RABEP1: variants seen among roughly 807,000 people sequenced by gnomAD.
RABEP1 encodes rab GTPase-binding effector protein 1.
Under a neutral mutation model 123.4 loss-of-function variants are expected in RABEP1, and 51 were observed. That is an observed-to-expected ratio of 0.41 (90% CI 0.33 to 0.52). RABEP1 has a LOEUF of 0.52. Among genes scored for constraint, RABEP1 ranks in the 20% least tolerant of loss-of-function variants. The pLI, the probability that RABEP1 is intolerant of heterozygous loss-of-function variation, is 0.16. For synonymous variants in RABEP1, 347 were observed against 355.2 expected (o/e 0.98, Z 0.26); for missense variants, 888 against 996.3 (o/e 0.89, Z 1.46).
intron 11 of RABEP1, among the ~76,000 whole-genome samples, 163 bp downstream of exon 11, chr17:5,365,401 T>C (rs901080038): frequency 6.6e-6 from 1 of 152,216 alleles, no homozygotes; most frequent in African/African-American, 2.4e-5. Context: ...ATCTCTGTTT[T>C]ACAGATTTTT....
Position 5,365,253 on chromosome 17 carries a change from A to G in RABEP1, c.1785+15A>G, listed in dbSNP as rs774302868. ...CGAGTCACCAGGTAAGGGAGGGTTT[A>G]TAGACTGTGGCCCATGAGGGATGAC... is the stretch of plus-strand genomic sequence containing the variant. On this transcript the variant is annotated intron_variant, in intron 11 of 17. Transcript: ENST00000537505. 1 of 1,549,008 alleles carries G rather than the reference A, an allele frequency of 6.5e-7. No individual in the cohort carries two copies. Among genetic ancestry groups the G allele is most frequent in the East Asian group, 2.3e-5 (1 of 43,778 alleles).
At chr17:5,378,374 G>A (rs1911176862) in intron 15 of RABEP1, 142 bp downstream of exon 15, 4 of 769,814 alleles carry the variant, frequency 5.2e-6, no homozygotes, top group Non-Finnish European at 9.1e-6. Flanking sequence ...AGAAAACCAC[G>A]GGGTAAGGGT....
chr17:5,350,358 C>T lies in RABEP1; in HGVS notation c.785-93C>T, dbSNP rs1029036836. 3.5e-5 allele frequency: 47 copies of T among 1,361,064 alleles called. No individual in the cohort carries two copies. In the Admixed American group the frequency reaches 7.8e-4, roughly 23 times the overall value. 84.3% of individuals were successfully genotyped at this position (1,361,064 alleles called of 1,614,324 possible). A position where few individuals can be genotyped will look rare whatever the true frequency, so the allele number is the denominator to read the frequency against. Reference sequence around the variant, plus strand: ...TTGCACCACTGCACTCCAGCCTGGGCGACAGAGCGAGACTCCATCTCAAAA... The same window carrying T: ...TTGCACCACTGCACTCCAGCCTGGGTGACAGAGCGAGACTCCATCTCAAAA... On this transcript the variant is annotated intron_variant, in intron 6 of 17. Transcript: ENST00000537505.
rs140208432 is a variant in RABEP1, at chr17:5,377,331, G to GAAA, written c.2215+28_2215+29insAAA. 2.9e-3 allele frequency: 4,461 copies of GAAA among 1,537,524 alleles called. 102 individuals are homozygous for GAAA. In the African/African-American group the frequency reaches 0.051, roughly 17 times the overall value. On this transcript the variant is annotated intron_variant, in intron 14 of 17. Coordinates refer to ENST00000537505, the MANE Select transcript of RABEP1 (RefSeq NM_004703.6). The stretch of plus-strand genomic sequence containing the variant: ...GTGAAGATAAAAGTGATGTAGTTTA[G>GAAA]AATTAGAGTCACTAAATAAAACTTT...
intron 10 of RABEP1, among the ~76,000 whole-genome samples, chr17:5,363,277 A>AG (rs564804330): frequency 6.7e-6 from 1 of 149,562 alleles, no homozygotes; most frequent in East Asian, 2.0e-4. Context: ...GCTGGAGTGC[A>AG]GGGGGGATCT....
At chr17:5,294,137 G>C (rs994666099) in intron 1 of RABEP1, among the ~76,000 whole-genome samples, 1 of 152,138 alleles carries the variant, frequency 6.6e-6, no homozygotes, top group African/African-American at 2.4e-5. Flanking sequence ...ACCATCTGGG[G>C]ATTGAAAATA....
At chr17:5,299,725 C>CTTTTTTTTTTTTTTT (rs201875944) in intron 1 of RABEP1, among the ~76,000 whole-genome samples, 7 of 104,084 alleles carry the variant, frequency 6.7e-5, no homozygotes, top group Admixed American at 1.1e-4. Context: ...TTTTCTTTTT[C>CTTTTTTTTTTTTTTT]TTTTTCTTTT....
At chr17:5,292,515 G>T (rs2075043318) in intron 1 of RABEP1, among the ~76,000 whole-genome samples, 2 of 152,054 alleles carry the variant, frequency 1.3e-5, no homozygotes, top group African/African-American at 4.8e-5. Flanking sequence ...CTCCCGAGTA[G>T]CTGGGATTAC....
chr17:5,290,208 C>T (rs1326735570), intron 1 of RABEP1, among the ~76,000 whole-genome samples: 1 of 152,200 alleles, frequency 6.6e-6, no homozygotes, highest in African/African-American at 2.4e-5. Context: ...CTGCCTCAGC[C>T]TCCCAAGTAG....
chr17:5,297,488 A>G (rs1346612515), intron 1 of RABEP1, among the ~76,000 whole-genome samples: 2 of 152,224 alleles, frequency 1.3e-5, no homozygotes, highest in Admixed American at 6.5e-5. Context: ...TCATGGGGAA[A>G]TCCAGCTAGG....
Position 5,282,501 on chromosome 17 carries a change from C to T in RABEP1, c.15C>T (p.Gly5=), listed in dbSNP as rs997705386. 2 of 1,276,108 alleles carry T rather than the reference C, an allele frequency of 1.6e-6. No individual in the cohort carries two copies. The highest frequency in any genetic ancestry group is 2.0e-6 in the Non-Finnish European group (2 of 1,010,130). The allele number at this position is 1,276,108 out of a possible 1,614,324, so 79.0% of individuals were successfully genotyped here. The change falls in exon 1 of 18, where the codon GGC becomes GGT. Residue 5 remains glycine (G), a synonymous_variant. Coordinates refer to ENST00000537505, the MANE Select transcript of RABEP1 (RefSeq NM_004703.6). Reference sequence around the variant, plus strand: ...GCCGCCTGGTCATGGCGCAGCCGGGCCCGGCTTCCCAGCCTGACGGTGAGG... The same window carrying T: ...GCCGCCTGGTCATGGCGCAGCCGGGTCCGGCTTCCCAGCCTGACGGTGAGG... MAQP[G]PASQPDVSLQ...
chr17:5,338,280 T>C (rs1801607052), intron 5 of RABEP1, 142 bp downstream of exon 5: 1 of 1,125,080 alleles, frequency 8.9e-7, no homozygotes, highest in Non-Finnish European at 1.2e-6. Flanking sequence ...TGCAAAAAAC[T>C]GCCGGGCGAG....
Position 5,306,249 on chromosome 17 carries a change from T to G in RABEP1, c.35-2445T>G, listed in dbSNP as rs2075178586. Among the ~76,000 whole-genome samples, 3 of 152,294 alleles carry G rather than the reference T, an allele frequency of 2.0e-5. No individual in the cohort carries two copies. In the South Asian group the frequency reaches 6.2e-4, roughly 32 times the overall value. On this transcript the variant is annotated intron_variant, in intron 1 of 17. Coordinates refer to ENST00000537505, the MANE Select transcript of RABEP1 (RefSeq NM_004703.6). ...TATTGTTGACAAAGGCTGGCATACT[T>G]ACATTCTCAGCCTTGTAAATTTCAG...
At chr17:5,327,192 A>T (rs1173260168) in intron 2 of RABEP1, among the ~76,000 whole-genome samples, 1 of 152,180 alleles carries the variant, frequency 6.6e-6, no homozygotes, top group East Asian at 1.9e-4. Flanking sequence ...TACCCAAAAT[A>T]CAAAAATTAG....
intron 2 of RABEP1, among the ~76,000 whole-genome samples, chr17:5,317,842 A>G (rs8064994): frequency 0.29 from 43,802 of 151,666 alleles, 6,568 homozygotes; most frequent in African/African-American, 0.38. Context: ...CAGGGAGAGG[A>G]GAGGAGCTAA....
chr17:5,282,629 G>T (rs2074936950), intron 1 of RABEP1, 109 bp downstream of exon 1: 2 of 734,724 alleles, frequency 2.7e-6, no homozygotes, highest in Non-Finnish European at 3.4e-6. Context: ...CAGGCCCCGG[G>T]GGTGACCCCG....
intron 2 of RABEP1, among the ~76,000 whole-genome samples, chr17:5,329,291 G>C (rs1906288616): frequency 6.6e-6 from 1 of 152,184 alleles, no homozygotes; most frequent in African/African-American, 2.4e-5. Flanking sequence ...AGCACTTTGG[G>C]AGGCTGAGGC....
rs1355651250 is a variant in RABEP1 at position 5,361,278 on chromosome 17, C to CT, written c.1169dup (p.Ser391GlnfsTer2). The CT allele has an allele frequency of 6.2e-7, 1 of 1,614,178 alleles. No homozygotes were observed. Among genetic ancestry groups the CT allele is most frequent in the African/African-American group, 1.3e-5 (1 of 75,046 alleles). On this transcript the variant is annotated frameshift_variant, in exon 9 of 18. Transcript: ENST00000537505. LOFTEE classifies it high-confidence loss of function. The stretch of plus-strand genomic sequence containing the variant: ...GGCTTGCTGTTGCCATCTGGAGATC[C>CT]TTTCAGTAAATCGGACAATGACATG...
chr17:5,385,335 G>A lies in RABEP1; in HGVS notation c.*2112G>A, dbSNP rs1398929126. The A allele has an allele frequency of 3.9e-5, 9 of 230,736 alleles. No homozygotes were observed. The highest frequency in any genetic ancestry group is 6.9e-5 in the Non-Finnish European group (8 of 116,612). The allele number at this position is 230,736 out of a possible 1,614,324, so 14.3% of individuals were successfully genotyped here. On this transcript the variant is annotated 3_prime_UTR_variant, in exon 18 of 18. Transcript: ENST00000537505. ...AAAGAAAAGCTCAGTTGGGTTTCACGAGTGTTCCTGTGCTTATATTCAGTC... is the reference window on the plus strand; with the variant it reads ...AAAGAAAAGCTCAGTTGGGTTTCACAAGTGTTCCTGTGCTTATATTCAGTC...
Sources: allele counts gnomAD v4.1 joint callset (sites outside exome capture counted in the v4.1 genomes callset), GRCh38; gene constraint gnomAD v4.1.1; transcripts MANE v1.5; gene names NCBI Gene and HGNC (gene_info 2026-07-23, HGNC 2026-07-21).